Variants in EXOC4 observed in about 807,000 individuals in gnomAD.
EXOC4 encodes the protein exocyst complex component 4.
EXOC4 carries 71 observed loss-of-function variants against 107.2 expected under a neutral mutation model. The ratio of observed to expected loss-of-function variants is 0.66; its 90% CI spans 0.55 to 0.81. The LOEUF is 0.81. Among genes scored for constraint, EXOC4 ranks in the 30% least tolerant of loss-of-function variants. The probability of loss-of-function intolerance (pLI) is 0.00; values close to 1 mark genes in which losing one functional copy is unlikely to be tolerated. For missense variants in EXOC4, 1,108 were observed against 1,189.6 expected (o/e 0.93, Z 1.01); for synonymous variants, 456 against 441.2 (o/e 1.03, Z -0.42).
chr7:133,895,561 C>T, intron 11 of EXOC4, 38 bp from the exon 12 acceptor site: 1 of 1,602,720 alleles, frequency 6.2e-7, no homozygotes, highest in Non-Finnish European at 8.5e-7. Context: ...ACATTGACTA[C>T]AGAAATCTCA....
chr7:133,985,940 CTCT>C (rs1353261560), intron 14 of EXOC4, among the ~76,000 whole-genome samples: 11 of 152,248 alleles, frequency 7.2e-5, no homozygotes, highest in Middle Eastern at 3.4e-3. Flanking sequence ...CCTTTCATCT[CTCT>C]TCTTCTTCTG....
At chr7:133,846,268 A>G (rs1798125717) in intron 11 of EXOC4, among the ~76,000 whole-genome samples, 3 of 152,198 alleles carry the variant, frequency 2.0e-5, no homozygotes, top group African/African-American at 7.2e-5. Context: ...TCTTTAGTTC[A>G]ATCTTTCTAC....
chr7:133,841,069 C>G (rs1439697897), intron 11 of EXOC4, among the ~76,000 whole-genome samples: 3 of 152,110 alleles, frequency 2.0e-5, no homozygotes, highest in Non-Finnish European at 4.4e-5. Flanking sequence ...AGTCCAAGAT[C>G]AAAGTGCTGG....
rs1797189783 is a variant in EXOC4 at position 133,810,287 on chromosome 7, G to GA, written c.1515-7035dup. On this transcript the variant is annotated intron_variant, in intron 10 of 17. Coordinates refer to ENST00000253861, the MANE Select transcript of EXOC4 (RefSeq NM_021807.4). The stretch of plus-strand genomic sequence containing the variant: ...AATGGAAGAAATGGAGCTGTACAGT[G>GA]AAACAGAATTTGTGATAAGGCTGGG... Among the ~76,000 whole-genome samples, 5 of 152,162 alleles carry GA rather than the reference G, an allele frequency of 3.3e-5. No homozygotes were observed. The South Asian group carries it at 1.0e-3, about 31-fold the overall frequency.
intron 5 of EXOC4, among the ~76,000 whole-genome samples, chr7:133,326,468 G>T (rs77794433): frequency 6.6e-6 from 1 of 152,182 alleles, no homozygotes; most frequent in African/African-American, 2.4e-5. Flanking sequence ...TTTGCCGGAG[G>T]TCTACTCCAG....
At chr7:133,788,650 G>A (rs534383442) in intron 10 of EXOC4, among the ~76,000 whole-genome samples, 21 of 151,956 alleles carry the variant, frequency 1.4e-4, no homozygotes, top group Non-Finnish European at 2.9e-4. Flanking sequence ...CCGCCACCAC[G>A]CCTGGCTAAT....
At chr7:133,696,682 A>G (rs982105058) in intron 10 of EXOC4, among the ~76,000 whole-genome samples, 4 of 152,238 alleles carry the variant, frequency 2.6e-5, no homozygotes, top group Non-Finnish European at 5.9e-5. Context: ...AGAGAATAAC[A>G]TAATTATTGA....
intron 5 of EXOC4, among the ~76,000 whole-genome samples, chr7:133,329,019 A>T (rs1795316397): frequency 6.6e-6 from 1 of 152,084 alleles, no homozygotes; most frequent in East Asian, 1.9e-4. Context: ...ATGTTTTCTA[A>T]CTTGGTTCCA....
At chr7:133,273,962 A>G (rs1793931991) in intron 1 of EXOC4, among the ~76,000 whole-genome samples, 1 of 152,246 alleles carries the variant, frequency 6.6e-6, no homozygotes, top group South Asian at 2.1e-4. Context: ...ACCACAGCCA[A>G]CAGATAAGAG....
At chr7:133,309,052 C>G (rs1794813118) in intron 4 of EXOC4, among the ~76,000 whole-genome samples, 1 of 152,126 alleles carries the variant, frequency 6.6e-6, no homozygotes, top group South Asian at 2.1e-4. Flanking sequence ...CCTTTCTTTA[C>G]TTTCTATCTG....
At chr7:133,856,599 C>G (rs1798378392) in intron 11 of EXOC4, among the ~76,000 whole-genome samples, 1 of 152,102 alleles carries the variant, frequency 6.6e-6, no homozygotes, top group South Asian at 2.1e-4. Flanking sequence ...TTATCATCTT[C>G]CATACATTTT....
intron 17 of EXOC4, chr7:134,010,409 A>G (rs979045337): frequency 9.9e-5 from 15 of 152,180 alleles, no homozygotes; most frequent in African/African-American, 3.4e-4. Flanking sequence ...AACAGAAACC[A>G]TATTGTAGCC....
At chr7:134,005,509 T>C (rs1794625553) in intron 16 of EXOC4, among the ~76,000 whole-genome samples, 1 of 152,146 alleles carries the variant, frequency 6.6e-6, no homozygotes. Flanking sequence ...GTTATAATCA[T>C]CTGGAAAGAA....
At chr7:133,502,904 C>T (rs982794604) in intron 9 of EXOC4, among the ~76,000 whole-genome samples, 2 of 152,118 alleles carry the variant, frequency 1.3e-5, no homozygotes, top group Non-Finnish European at 2.9e-5. Flanking sequence ...CTTCTTTATT[C>T]AGTAGATTCT....
chr7:133,790,496 C>T lies in EXOC4; in HGVS notation c.1515-26829C>T, dbSNP rs547521148. The stretch of plus-strand genomic sequence containing the variant: ...CATCAAAGTGATAGAACTTAGACAA[C>T]TGGCTGGAAATATGTGGAAGTAATT... On this transcript the variant is annotated intron_variant, in intron 10 of 17. Coordinates refer to ENST00000253861, the MANE Select transcript of EXOC4 (RefSeq NM_021807.4). Among the ~76,000 whole-genome samples the T allele has an allele frequency of 2.6e-5, 4 of 152,350 alleles. No homozygotes were observed. In the South Asian group the frequency reaches 6.2e-4, roughly 24 times the overall value.
intron 11 of EXOC4, among the ~76,000 whole-genome samples, chr7:133,864,687 T>C (rs1233178202): frequency 1.3e-5 from 2 of 152,240 alleles, no homozygotes; most frequent in Non-Finnish European, 2.9e-5. Flanking sequence ...CTTCTGTCAC[T>C]AAAACTTTGG....
intron 7 of EXOC4, among the ~76,000 whole-genome samples, chr7:133,432,633 A>G (rs1797880942): frequency 6.6e-6 from 1 of 152,210 alleles, no homozygotes; most frequent in Non-Finnish European, 1.5e-5. Flanking sequence ...AGAGCCTTTT[A>G]AAGTTATCTT....
intron 3 of EXOC4, among the ~76,000 whole-genome samples, chr7:133,305,427 CAA>C (rs1356408498): frequency 1.3e-5 from 2 of 152,080 alleles, no homozygotes; most frequent in Non-Finnish European, 2.9e-5. Flanking sequence ...TTGGTAAGCA[CAA>C]AGAGTCATGA....
At chr7:133,495,330 T>G (rs1162640424) in intron 9 of EXOC4, among the ~76,000 whole-genome samples, 2 of 152,170 alleles carry the variant, frequency 1.3e-5, no homozygotes, top group African/African-American at 4.8e-5. Flanking sequence ...TTTCTCCCCT[T>G]TTTTAACCTT....
Sources: allele counts gnomAD v4.1 joint callset (sites outside exome capture counted in the v4.1 genomes callset), GRCh38; gene constraint gnomAD v4.1.1; transcripts MANE v1.5; gene names NCBI Gene and HGNC (gene_info 2026-07-23, HGNC 2026-07-21).